The following DLGAP4 variants were observed in gnomAD, a reference collection of about 807,000 sequenced individuals.
DLGAP4 encodes the protein disks large-associated protein 4.
Under a neutral mutation model 86.9 loss-of-function variants are expected in DLGAP4, and 18 were observed. The observed-to-expected ratio is 0.21, with a 90% CI of 0.14 to 0.31. The LOEUF is 0.31. Among genes scored for constraint, DLGAP4 ranks in the 10% least tolerant of loss-of-function variants. DLGAP4 has a pLI of 1.00. For missense variants in DLGAP4, 1,085 were observed against 1,362.6 expected (o/e 0.80, Z 3.21); for synonymous variants, 548 against 574.3 (o/e 0.95, Z 0.65).
At chr20:36,351,401 G>C (rs2030149211) in intron 1 of DLGAP4, among the ~76,000 whole-genome samples, 2 of 151,986 alleles carry the variant, frequency 1.3e-5, no homozygotes, top group South Asian at 4.2e-4. Context: ...TCTCATAGGA[G>C]CTCGAACCCT....
chr20:36,477,827 T>C (rs1203075810), intron 7 of DLGAP4, among the ~76,000 whole-genome samples: 1 of 152,178 alleles, frequency 6.6e-6, no homozygotes, highest in Non-Finnish European at 1.5e-5. Context: ...CTGATCCCAA[T>C]TTGTAGAAGT....
chr20:36,437,033 C>G (rs2033306588), intron 4 of DLGAP4, among the ~76,000 whole-genome samples: 1 of 152,168 alleles, frequency 6.6e-6, no homozygotes, highest in South Asian at 2.1e-4. Context: ...CGCCTTCCTC[C>G]CATTCGGCTG....
chr20:36,509,519 C>T (rs577195930), intron 10 of DLGAP4, among the ~76,000 whole-genome samples: 6 of 151,696 alleles, frequency 4.0e-5, no homozygotes, highest in Non-Finnish European at 7.4e-5. Flanking sequence ...TGCACTGAGC[C>T]GAGATCACAC....
chr20:36,517,951 T>C (rs6024777), intron 10 of DLGAP4, among the ~76,000 whole-genome samples: 10,279 of 152,186 alleles, frequency 0.068, 1,227 homozygotes, highest in African/African-American at 0.23. Flanking sequence ...TTTTGCCAGG[T>C]GCAGTGGCCC....
At chr20:36,515,694 G>C (rs1569524799) in intron 10 of DLGAP4, among the ~76,000 whole-genome samples, 2 of 152,150 alleles carry the variant, frequency 1.3e-5, no homozygotes, top group Non-Finnish European at 2.9e-5. Flanking sequence ...CAAAGTGTTG[G>C]AATTACAGGC....
At chr20:36,453,934 CAAAAAAA>C (rs1194294335) in intron 7 of DLGAP4, among the ~76,000 whole-genome samples, 11 of 42,682 alleles carry the variant, frequency 2.6e-4, no homozygotes, top group East Asian at 2.0e-3. Context: ...ACTCTGTCTC[CAAAAAAA>C]AAAAAAAAAA....
intron 7 of DLGAP4, among the ~76,000 whole-genome samples, chr20:36,488,930 CACTATG>C (rs1387978002): frequency 6.6e-6 from 1 of 152,324 alleles, no homozygotes; most frequent in East Asian, 1.9e-4. Context: ...TGGCCAGCAG[CACTATG>C]ACTCATGCAT....
At chr20:36,462,539 C>G in intron 7 of DLGAP4, 5 of 1,601,650 alleles carry the variant, frequency 3.1e-6, no homozygotes, top group Non-Finnish European at 4.3e-6. Flanking sequence ...TTTGCCGGGT[C>G]TCTGGGTCTC....
Position 36,525,238 on chromosome 20 carries a change from AAAAAAAAAAAAAAAAAC to A in DLGAP4, c.2605-609_2605-593del, listed in dbSNP as rs1387791941. The stretch of plus-strand genomic sequence containing the variant: ...TCTCAAAAAAAAAAAAAAAAAAAAA[AAAAAAAAAAAAAAAAAC>A]AAAGAAATCCCACTGCTGGGATTGG... On this transcript the variant is annotated intron_variant, in intron 11 of 12. Coordinates refer to ENST00000339266, the MANE Select transcript of DLGAP4 (RefSeq NM_001365621.2). 2.2e-3 allele frequency among the ~76,000 whole-genome samples: 286 copies of A among 128,382 alleles called. 11 individuals carry two copies. The highest frequency in any genetic ancestry group is 7.5e-3 in the African/African-American group (242 of 32,332). 84.2% of individuals were successfully genotyped at this position (128,382 alleles called of 152,430 possible).
chr20:36,355,178 T>C (rs183350863), intron 1 of DLGAP4, among the ~76,000 whole-genome samples: 7 of 152,332 alleles, frequency 4.6e-5, no homozygotes, highest in South Asian at 2.1e-4. Flanking sequence ...GCTTTGTCTC[T>C]ATAGTTTTAC....
At chr20:36,406,455 T>G (rs2032325493) in intron 2 of DLGAP4, among the ~76,000 whole-genome samples, 1 of 150,892 alleles carries the variant, frequency 6.6e-6, no homozygotes, top group African/African-American at 2.4e-5. Flanking sequence ...TCACCTCTGC[T>G]CTGCCAGGCA....
At chr20:36,435,234 G>A (rs1286624974) in intron 3 of DLGAP4, among the ~76,000 whole-genome samples, 1 of 152,188 alleles carries the variant, frequency 6.6e-6, no homozygotes, top group Non-Finnish European at 1.5e-5. Context: ...CTGTGCACAG[G>A]CTGTGTGTGA....
intron 7 of DLGAP4, among the ~76,000 whole-genome samples, chr20:36,482,952 A>C (rs2035255300): frequency 6.6e-6 from 1 of 152,214 alleles, no homozygotes; most frequent in Non-Finnish European, 1.5e-5. Flanking sequence ...GATTACAGGC[A>C]TGAGCCACCA....
intron 7 of DLGAP4, among the ~76,000 whole-genome samples, chr20:36,478,126 A>G (rs540662365): frequency 3.9e-5 from 6 of 152,360 alleles, no homozygotes; most frequent in Admixed American, 2.0e-4. Context: ...CTAGAGTCCT[A>G]AATGACTTTC....
At chr20:36,333,944 G>T (rs1555891828) in intron 1 of DLGAP4, among the ~76,000 whole-genome samples, 1 of 152,266 alleles carries the variant, frequency 6.6e-6, no homozygotes, top group Non-Finnish European at 1.5e-5. Context: ...ACCCAGGCAG[G>T]CTGGAAAGCC....
intron 7 of DLGAP4, among the ~76,000 whole-genome samples, chr20:36,448,180 G>A (rs1015072317): frequency 5.3e-5 from 8 of 151,596 alleles, no homozygotes; most frequent in Admixed American, 1.3e-4. Flanking sequence ...GATGAAACCC[G>A]GACTCTAAAA....
rs759000527 is a variant in DLGAP4 at position 36,500,344 on chromosome 20, C to A, written c.2245C>A (p.Pro749Thr). The A allele has an allele frequency of 4.0e-5, 64 of 1,613,268 alleles. No homozygotes were observed. The highest frequency in any genetic ancestry group is 5.3e-5 in the African/African-American group (4 of 74,952). The change falls in exon 10 of 13, where the codon CCC becomes ACC. Residue 749 changes from proline (P) to threonine (T), a missense_variant. Around this residue, in one of 2 missense-constraint regions of DLGAP4, gnomAD observed 1,082 missense variants for 1,344.1 expected, o/e 0.81. Coordinates refer to ENST00000339266, the MANE Select transcript of DLGAP4 (RefSeq NM_001365621.2). This position sits in a 1 kb window ranked among gnomAD's most constrained non-coding sequence, Gnocchi z 4.6. ...CAACTCCATCAGCATCGATGCCGGT[C>A]CCCGGCAGGCCCCCAAGATTGCCCA... ...HPNSISIDAG[P>T]RQAPKIAQIK...
At chr20:36,392,833 A>G (rs546332724) in intron 2 of DLGAP4, among the ~76,000 whole-genome samples, 110 of 152,348 alleles carry the variant, frequency 7.2e-4, no homozygotes, top group Middle Eastern at 3.4e-3. Flanking sequence ...TAAGTAAAAT[A>G]AACGAACAGA....
At chr20:36,355,180 T>C (rs2030284970) in intron 1 of DLGAP4, among the ~76,000 whole-genome samples, 1 of 152,200 alleles carries the variant, frequency 6.6e-6, no homozygotes, top group South Asian at 2.1e-4. Context: ...TTTGTCTCTA[T>C]AGTTTTACCT....
Sources: allele counts gnomAD v4.1 joint callset (sites outside exome capture counted in the v4.1 genomes callset), GRCh38; gene constraint gnomAD v4.1.1; regional missense constraint gnomAD v4.1.1; non-coding constraint Gnocchi (gnomAD v3.1); transcripts MANE v1.5; gene names NCBI Gene and HGNC (gene_info 2026-07-23, HGNC 2026-07-21).